ASTN2: variants seen among roughly 807,000 people sequenced by gnomAD.
ASTN2 encodes the protein astrotactin-2.
Under a neutral mutation model 139.8 loss-of-function variants are expected in ASTN2, and 54 were observed. That is an observed-to-expected ratio of 0.39 (90% confidence interval 0.31 to 0.48). ASTN2 has a LOEUF of 0.48. Ranked by LOEUF, ASTN2 falls within the 20% of genes least tolerant of loss-of-function variation. ASTN2 has a pLI of 0.95. For synonymous variants in ASTN2, 756 were observed against 719.5 expected, an observed-to-expected ratio of 1.05 and a Z score of -0.81; for missense variants, 1,565 against 1,725.1, an observed-to-expected ratio of 0.91 and a Z score of 1.64.
intron 7 of ASTN2, among the ~76,000 whole-genome samples, chr9:116,979,278 GGA>G (rs1174442656): frequency 2.7e-4 from 41 of 152,098 alleles, no homozygotes; most frequent in Non-Finnish European, 5.0e-4. Flanking sequence ...AAAGATACAA[GGA>G]GAGACAGAAG....
At chr9:117,240,017 T>C (rs1430697183) in intron 2 of ASTN2, among the ~76,000 whole-genome samples, 1 of 152,216 alleles carries the variant, frequency 6.6e-6, no homozygotes, top group African/African-American at 2.4e-5. Context: ...ACATCATAAA[T>C]TGAAAATGCA....
intron 19 of ASTN2, chr9:116,613,453 T>A (rs932081579): frequency 1.3e-5 from 2 of 152,292 alleles, no homozygotes; most frequent in African/African-American, 4.8e-5. Flanking sequence ...ATATCCCTGA[T>A]GAACATCGAT....
At chr9:116,542,595 T>C (rs946495239) in intron 19 of ASTN2, among the ~76,000 whole-genome samples, 3 of 152,202 alleles carry the variant, frequency 2.0e-5, no homozygotes, top group Non-Finnish European at 4.4e-5. Flanking sequence ...CAAAAGAGAA[T>C]CATCAGTCCC....
Position 116,698,349 on chromosome 9 carries a change from C to T in ASTN2, c.2806+27422G>A, listed in dbSNP as rs376007099. 10 of 1,613,988 alleles carry T rather than the reference C, an allele frequency of 6.2e-6. No individual in the cohort carries two copies. The highest frequency in any genetic ancestry group is 2.7e-5 in the African/African-American group (2 of 74,896). ...GGTCCAGGATGAGCTGGCTCGCTCT[C>T]GGAAGTTCTTCACAGGCTCTTTGGC... On this transcript the variant is annotated intron_variant, in intron 16 of 22. Transcript: ENST00000313400. The surrounding 1 kb of genome is among the most constrained non-coding windows in gnomAD (Gnocchi z 4.4).
At chr9:116,857,977 A>C (rs1236707724) in intron 11 of ASTN2, among the ~76,000 whole-genome samples, 1 of 152,202 alleles carries the variant, frequency 6.6e-6, no homozygotes, top group Non-Finnish European at 1.5e-5. Flanking sequence ...TGGTAAGCCC[A>C]GGTTCCATGA....
chr9:116,839,308 C>T lies in ASTN2; in HGVS notation c.2041-18525G>A, dbSNP rs546099099. Among the ~76,000 whole-genome samples, 109 of 152,052 alleles carry T rather than the reference C, an allele frequency of 7.2e-4. No individual in the cohort carries two copies. The South Asian group carries it at 7.9e-3, about 11-fold the overall frequency. ...GACTACAGGCATGTGCCATCATGCT[C>T]GGCTAATTTTATTTTTATTTTTATT... On this transcript the variant is annotated intron_variant, in intron 11 of 22. Transcript: ENST00000313400.
At chr9:116,763,933 T>G (rs1000767770) in intron 13 of ASTN2, among the ~76,000 whole-genome samples, 3 of 151,868 alleles carry the variant, frequency 2.0e-5, no homozygotes, top group African/African-American at 7.3e-5. Flanking sequence ...AGGGTAAGAG[T>G]GCTGCAGAGG....
chr9:116,985,295 C>G (rs558664935), intron 7 of ASTN2, among the ~76,000 whole-genome samples: 1 of 152,200 alleles, frequency 6.6e-6, no homozygotes, highest in Non-Finnish European at 1.5e-5. Flanking sequence ...TTCATCAGCA[C>G]GCCTCTGAGA....
chr9:116,866,232 A>C (rs1389440493), intron 10 of ASTN2, among the ~76,000 whole-genome samples: 1 of 152,212 alleles, frequency 6.6e-6, no homozygotes, highest in Admixed American at 6.5e-5. Context: ...TTTCAAATGA[A>C]ACACAGAAAA....
rs762785784 is a variant in ASTN2, at chr9:116,698,079, C to A, written c.2806+27692G>T. On this transcript the variant is annotated intron_variant, in intron 16 of 22. Coordinates refer to ENST00000313400, the MANE Select transcript of ASTN2 (RefSeq NM_001365068.1). This position sits in a 1 kb window ranked among gnomAD's most constrained non-coding sequence, Gnocchi z 4.4. ...GCGGCGTCTGCCCCGGCAATTCTGC[C>A]GGAGCTGTGGTTTGGTGTTATGTGA... is the stretch of plus-strand genomic sequence containing the variant. 1 of 1,614,096 alleles carries A rather than the reference C, an allele frequency of 6.2e-7. No individual in the cohort carries two copies. Among genetic ancestry groups the A allele is most frequent in the Admixed American group, 1.7e-5 (1 of 60,028 alleles).
At chr9:117,345,415 G>T (rs1340347656) in intron 1 of ASTN2, among the ~76,000 whole-genome samples, 1 of 152,116 alleles carries the variant, frequency 6.6e-6, no homozygotes, top group African/African-American at 2.4e-5. Context: ...AATGTACCTT[G>T]CATGACTCTA....
At chr9:117,366,051 T>C (rs1416989156) in intron 1 of ASTN2, among the ~76,000 whole-genome samples, 2 of 152,182 alleles carry the variant, frequency 1.3e-5, no homozygotes, top group African/African-American at 4.8e-5. Context: ...CGTTTCCCCT[T>C]GTAAACTCCT....
At chr9:117,128,337 C>G (rs972147358) in intron 4 of ASTN2, among the ~76,000 whole-genome samples, 2 of 129,786 alleles carry the variant, frequency 1.5e-5, no homozygotes, top group African/African-American at 5.9e-5. Context: ...CCCATCACTG[C>G]ACTCCAGCCT....
chr9:116,912,438 G>A (rs888482320), intron 10 of ASTN2, among the ~76,000 whole-genome samples: 5 of 152,186 alleles, frequency 3.3e-5, no homozygotes, highest in Non-Finnish European at 2.9e-5. Context: ...CTAAGAAAGT[G>A]GGAGCTCACC....
intron 16 of ASTN2, among the ~76,000 whole-genome samples, chr9:116,666,902 T>C (rs1858894054): frequency 6.6e-6 from 1 of 150,678 alleles, no homozygotes; most frequent in African/African-American, 2.4e-5. Flanking sequence ...AAGAACACCA[T>C]ATAGACATTT....
At chr9:117,217,343 C>G (rs114246659) in intron 2 of ASTN2, among the ~76,000 whole-genome samples, 8 of 152,178 alleles carry the variant, frequency 5.3e-5, no homozygotes, top group African/African-American at 1.9e-4. Context: ...TTACATGGTT[C>G]CTGGGCCTTC....
intron 13 of ASTN2, among the ~76,000 whole-genome samples, chr9:116,777,630 G>C (rs890668968): frequency 3.9e-5 from 6 of 152,090 alleles, no homozygotes. Context: ...CTGACTCCGA[G>C]GGTCTGGAGT....
Position 117,209,943 on chromosome 9 carries a change from G to T in ASTN2, c.1015+4415C>A, listed in dbSNP as rs1832066360. ...CAAATACAAGGAGATTAAATAAGAT[G>T]CTCCTGAATGACCAATGAGTGAAGG... On this transcript the variant is annotated intron_variant, in intron 3 of 22. Transcript: ENST00000313400. Among the ~76,000 whole-genome samples the T allele has an allele frequency of 2.0e-5, 3 of 152,090 alleles. No homozygotes were observed. In the South Asian group the frequency reaches 6.2e-4, roughly 32 times the overall value.
intron 11 of ASTN2, among the ~76,000 whole-genome samples, chr9:116,860,282 C>T (rs1342151326): frequency 6.6e-6 from 1 of 152,108 alleles, no homozygotes; most frequent in Admixed American, 6.5e-5. Flanking sequence ...GTTACAGAAA[C>T]GTAATAGAAC....
Sources: allele counts gnomAD v4.1 joint callset (sites outside exome capture counted in the v4.1 genomes callset), GRCh38; gene constraint gnomAD v4.1.1; non-coding constraint Gnocchi (gnomAD v3.1); transcripts MANE v1.5; gene names NCBI Gene and HGNC (gene_info 2026-07-23, HGNC 2026-07-21).